The following CCDC191 variants were observed in gnomAD, a reference collection of about 807,000 sequenced individuals.
The protein encoded by CCDC191 is coiled-coil domain containing 191, also known as coiled-coil domain-containing protein 191.
A neutral mutation model predicts 114.0 loss-of-function variants in CCDC191; 99 were observed. The ratio of observed to expected loss-of-function variants is 0.87; its 90% CI spans 0.74 to 1.03. CCDC191 has a LOEUF of 1.03. Among genes scored for constraint, CCDC191 ranks in the 50% least tolerant of loss-of-function variants. CCDC191 has a pLI of 0.00. For synonymous variants in CCDC191, 351 were observed against 376.0 expected (o/e 0.93, Z 0.77); for missense variants, 973 against 1,087.0 (o/e 0.90, Z 1.47).
chr3:114,010,821 A>G lies in CCDC191; in HGVS notation c.1364T>C (p.Leu455Pro). 1 of 1,614,036 alleles carries G rather than the reference A, an allele frequency of 6.2e-7. No individual in the cohort carries two copies. The highest frequency in any genetic ancestry group is 1.1e-5 in the South Asian group (1 of 91,078). The change falls in exon 9 of 17, where the codon CTA becomes CCA. Residue 455 changes from leucine (L) to proline (P), a missense_variant. Physicochemically the swap from Leu to Pro is moderately conservative, Grantham distance 98. Transcript: ENST00000295878. ...LSANGLSGIS[L>P]PEEATAMVGP... Reference sequence around the variant, plus strand: ...CACCATGGCTGTTGCCTCCTCAGGTAGACTGATGCCTGATAACCCATTGGC... The same window carrying G: ...CACCATGGCTGTTGCCTCCTCAGGTGGACTGATGCCTGATAACCCATTGGC...
At chr3:114,043,298 T>C (rs2076587840) in intron 3 of CCDC191, among the ~76,000 whole-genome samples, 1 of 151,936 alleles carries the variant, frequency 6.6e-6, no homozygotes. Flanking sequence ...CAGAGAGAAG[T>C]GAGGAGGAGA....
chr3:114,037,814 T>C (rs369076538), intron 4 of CCDC191, among the ~76,000 whole-genome samples: 27 of 152,234 alleles, frequency 1.8e-4, no homozygotes, highest in African/African-American at 6.3e-4. Context: ...TTAATACTTG[T>C]TATATGTATT....
chr3:114,018,510 C>T (rs2076197350), intron 8 of CCDC191, among the ~76,000 whole-genome samples, 168 bp downstream of exon 8: 1 of 151,868 alleles, frequency 6.6e-6, no homozygotes. Flanking sequence ...TTATAATTTT[C>T]AGTAAAATTT....
intron 7 of CCDC191, among the ~76,000 whole-genome samples, chr3:114,027,377 A>G (rs1344875010): frequency 6.6e-6 from 1 of 152,152 alleles, no homozygotes; most frequent in Non-Finnish European, 1.5e-5. Context: ...ATGCTTTGGG[A>G]GGCCAAGGTG....
rs147220709 is a variant in CCDC191, at chr3:114,035,844, T to C, written c.595-696A>G. On this transcript the variant is annotated intron_variant, in intron 5 of 16. Transcript: ENST00000295878. ...ACTATATAGCTTATTGAACGTTCTC[T>C]CCTCTCTTTTGTCATAAATCCAAAC... 6.2e-4 allele frequency among the ~76,000 whole-genome samples: 94 copies of C among 152,326 alleles called. 1 individual carries two copies. Among genetic ancestry groups the C allele is most frequent in the African/African-American group, 2.2e-3 (91 of 41,582 alleles).
At chr3:113,975,129 A>G (rs567319176) in intron 16 of CCDC191, among the ~76,000 whole-genome samples, 1 of 152,268 alleles carries the variant, frequency 6.6e-6, no homozygotes, top group South Asian at 2.1e-4. Context: ...ATTACTACCT[A>G]CTTCATGTTC....
chr3:114,012,320 TA>T (rs1202310536), intron 8 of CCDC191, among the ~76,000 whole-genome samples: 1 of 152,184 alleles, frequency 6.6e-6, no homozygotes, highest in Non-Finnish European at 1.5e-5. Context: ...ATATTTCTTT[TA>T]AAAATAAGCA....
intron 2 of CCDC191, among the ~76,000 whole-genome samples, chr3:114,050,039 C>T (rs1230568594): frequency 6.6e-6 from 1 of 152,172 alleles, no homozygotes; most frequent in African/African-American, 2.4e-5. Context: ...CAATAAACAA[C>T]TCAAGGACAG....
chr3:114,002,359 T>C, intron 12 of CCDC191, 97 bp downstream of exon 12: 1 of 814,194 alleles, frequency 1.2e-6, no homozygotes, highest in Non-Finnish European at 1.9e-6. Flanking sequence ...TGTAACTCTA[T>C]TGTCTCAGGA....
At chr3:113,997,351 G>C (rs945731518) in intron 13 of CCDC191, among the ~76,000 whole-genome samples, 2 of 152,114 alleles carry the variant, frequency 1.3e-5, no homozygotes, top group Non-Finnish European at 2.9e-5. Context: ...GATAGATTCA[G>C]AATGATTACA....
At chr3:113,968,459 C>T (rs192308956) in intron 16 of CCDC191, among the ~76,000 whole-genome samples, 2 of 151,756 alleles carry the variant, frequency 1.3e-5, no homozygotes, top group Non-Finnish European at 2.9e-5. Flanking sequence ...ATCTTCCCCC[C>T]CCTTTTTTTT....
chr3:114,030,114 A>C lies in CCDC191; in HGVS notation c.972+1512T>G, dbSNP rs148451096. Among the ~76,000 whole-genome samples, 762 of 152,264 alleles carry C rather than the reference A, an allele frequency of 5.0e-3. 9 individuals are homozygous for C. The highest frequency in any genetic ancestry group is 4.7e-3 in the Non-Finnish European group (318 of 67,994). On this transcript the variant is annotated intron_variant, in intron 7 of 16. Coordinates refer to ENST00000295878, the MANE Select transcript of CCDC191 (RefSeq NM_020817.2). ...TATGTAAAATGTTAACATTGGGAAA[A>C]GTTGGGTGAAGGTTATTCAGAAACT...
At chr3:113,999,990 G>C (rs1289917420) in intron 13 of CCDC191, among the ~76,000 whole-genome samples, 1 of 152,166 alleles carries the variant, frequency 6.6e-6, no homozygotes, top group East Asian at 1.9e-4. Context: ...GTGGAATTAT[G>C]ATCGTGCTAT....
At chr3:114,056,580 A>G (rs1026576089), upstream of CCDC191, 6 of 1,597,538 alleles carry the variant, frequency 3.8e-6, no homozygotes, top group Non-Finnish European at 5.1e-6. Flanking sequence ...GAAAGCAGGC[A>G]TAGGACACCG....
intron 7 of CCDC191, among the ~76,000 whole-genome samples, chr3:114,022,443 A>G (rs1023042327): frequency 2.6e-5 from 4 of 152,196 alleles, no homozygotes; most frequent in African/African-American, 9.7e-5. Flanking sequence ...GCTCAGTGAT[A>G]ATTGCATCAA....
intron 14 of CCDC191, 21 bp downstream of exon 14, chr3:113,980,629 G>T (rs970600492): frequency 8.4e-6 from 13 of 1,543,750 alleles, no homozygotes; most frequent in Non-Finnish European, 1.1e-5. Flanking sequence ...TAATCTGGGG[G>T]ATAACAGTGG....
chr3:114,011,099 T>C, intron 8 of CCDC191, 78 bp from the exon 9 acceptor site: 1 of 1,446,218 alleles, frequency 6.9e-7, no homozygotes, highest in South Asian at 1.4e-5. Flanking sequence ...GAAACATAAG[T>C]CCAAAAGGGT....
At chr3:113,971,017 G>A (rs924149435) in intron 16 of CCDC191, among the ~76,000 whole-genome samples, 40 of 152,160 alleles carry the variant, frequency 2.6e-4, no homozygotes, top group African/African-American at 6.3e-4. Context: ...GAATAGTGCC[G>A]CAATAAACAT....
At chr3:113,982,521 A>G (rs1415384009) in intron 13 of CCDC191, among the ~76,000 whole-genome samples, 1 of 152,178 alleles carries the variant, frequency 6.6e-6, no homozygotes, top group Non-Finnish European at 1.5e-5. Flanking sequence ...GGGGTTTCAT[A>G]GAACACAGAT....
Sources: gnomAD v4.1 joint callset for allele counts (sites outside exome capture counted in the v4.1 genomes callset) on GRCh38, gnomAD v4.1.1 for gene constraint, MANE v1.5 for transcripts, NCBI Gene and HGNC (gene_info 2026-07-23, HGNC 2026-07-21) for gene names.